Variants in SORBS2 observed in about 807,000 individuals in gnomAD.
SORBS2 encodes sorbin and SH3 domain containing 2.
SORBS2 carries 46 observed loss-of-function variants against 97.7 expected under a neutral mutation model. The observed-to-expected ratio is 0.47, with a 90% CI of 0.37 to 0.60. SORBS2 has a LOEUF of 0.60. SORBS2 is among the 20% of genes least tolerant of loss of function. The pLI is 0.00. For missense variants in SORBS2, 1,316 were observed against 1,282.3 expected (o/e 1.03, Z -0.40); for synonymous variants, 476 against 473.4 (o/e 1.01, Z -0.07).
intron 1 of SORBS2, among the ~76,000 whole-genome samples, chr4:185,814,436 G>A (rs146296950): frequency 4.2e-3 from 633 of 152,208 alleles, no homozygotes; most frequent in African/African-American, 0.012. Flanking sequence ...AGCTACTCGG[G>A]AGGCTGAGGA....
chr4:185,708,747 G>T (rs540858468), intron 2 of SORBS2, among the ~76,000 whole-genome samples: 2 of 152,280 alleles, frequency 1.3e-5, no homozygotes, highest in Non-Finnish European at 2.9e-5. Context: ...ATGTGGTTTT[G>T]ATAACCTTCA....
At chr4:185,955,927 G>A (rs1230961613) in intron 1 of SORBS2, among the ~76,000 whole-genome samples, 1 of 151,340 alleles carries the variant, frequency 6.6e-6, no homozygotes, top group Non-Finnish European at 1.5e-5. Context: ...AGCTGCATTT[G>A]TAACCAGCTT....
intron 1 of SORBS2, among the ~76,000 whole-genome samples, chr4:185,902,905 T>G (rs1160098116): frequency 6.6e-6 from 1 of 152,206 alleles, no homozygotes; most frequent in Non-Finnish European, 1.5e-5. Flanking sequence ...ATAAAAGCTC[T>G]GTTCTGACGT....
chr4:185,622,926 C>T (rs1233273935), exon 7 of SORBS2: 9 of 1,607,578 alleles, frequency 5.6e-6, no homozygotes, highest in East Asian at 4.5e-5. Flanking sequence ...TGGAGTGCAC[C>T]GCCACGGTCT....
intron 1 of SORBS2, among the ~76,000 whole-genome samples, chr4:185,813,439 G>T (rs951781451): frequency 6.6e-6 from 1 of 152,172 alleles, no homozygotes; most frequent in Non-Finnish European, 1.5e-5. Context: ...ACAAGTGGGT[G>T]GCGCTTTCCT....
In SORBS2 at chr4:185,694,700, T is replaced by C. The variant is rs140304845; in HGVS notation, c.-197-15878A>G. ...CTTTTTTTTCTTTTTCTTTTTCCTT[T>C]TCTTTCTTTTCTTTTCTTTTTTTTG... On this transcript the variant is annotated intron_variant, in intron 2 of 20. Transcript: ENST00000284776. Among the ~76,000 whole-genome samples the C allele has an allele frequency of 2.0e-3, 228 of 111,658 alleles. 5 individuals carry two copies. In the East Asian group the frequency reaches 0.052, roughly 26 times the overall value. The allele number at this position is 111,658 out of a possible 152,430, so 73.3% of individuals were successfully genotyped here. A position where few individuals can be genotyped will look rare whatever the true frequency, so the allele number is the denominator to read the frequency against.
At chr4:185,596,376 CT>C (rs1281977353) in intron 12 of SORBS2, among the ~76,000 whole-genome samples, 1 of 152,002 alleles carries the variant, frequency 6.6e-6, no homozygotes, top group African/African-American at 2.4e-5. Context: ...AGTTTAATTC[CT>C]TTAACTCAAC....
intron 1 of SORBS2, among the ~76,000 whole-genome samples, chr4:185,856,189 C>T (rs2099220499): frequency 6.6e-6 from 1 of 152,138 alleles, no homozygotes; most frequent in African/African-American, 2.4e-5. Flanking sequence ...TCCTAGTTTA[C>T]AGTAAGCAGT....
intron 13 of SORBS2, among the ~76,000 whole-genome samples, chr4:185,590,905 T>C (rs2095911539): frequency 6.6e-6 from 1 of 152,224 alleles, no homozygotes. Flanking sequence ...TGCTGCTTTC[T>C]GTAACAGTCA....
intron 2 of SORBS2, among the ~76,000 whole-genome samples, chr4:185,741,413 T>G (rs1290617608): frequency 2.8e-5 from 4 of 145,390 alleles, no homozygotes; most frequent in Non-Finnish European, 6.0e-5. Context: ...TGTTTTTTTT[T>G]TTTTTTTTGA....
rs1382707046 is a variant in SORBS2, at chr4:185,879,174, C to G, written c.-338+77022G>C. The stretch of plus-strand genomic sequence containing the variant: ...CTCCTAATGCTATCCCTCCCCCCCC[C>G]CCACCCCACGACAGGCCCCGGTGTG... On this transcript the variant is annotated intron_variant, in intron 1 of 20. Coordinates refer to the SORBS2 transcript ENST00000284776. Among the ~76,000 whole-genome samples, 4 of 111,594 alleles carry G rather than the reference C, an allele frequency of 3.6e-5. 1 individual carries two copies. Among genetic ancestry groups the G allele is most frequent in the Admixed American group, 8.0e-5 (1 of 12,446 alleles). 73.2% of individuals were successfully genotyped at this position (111,594 alleles called of 152,430 possible).
At chr4:185,929,549 G>C (rs1330177665) in intron 1 of SORBS2, among the ~76,000 whole-genome samples, 1 of 140,882 alleles carries the variant, frequency 7.1e-6, no homozygotes, top group East Asian at 2.1e-4. Context: ...TTTTTTTTGA[G>C]ACAGAGTCTC....
chr4:185,659,257 ACAGCATCATAGCCTTTCAACACTGAAT>A (rs2097468018), upstream of SORBS2, among the ~76,000 whole-genome samples: 1 of 152,158 alleles, frequency 6.6e-6, no homozygotes, highest in Admixed American at 6.5e-5. Flanking sequence ...GAATAAACGA[ACAGCATCATAGCCTTTCAACACTGAAT>A]CAGTGCTGGG....
intron 2 of SORBS2, among the ~76,000 whole-genome samples, chr4:185,692,292 C>T (rs2098112931): frequency 6.6e-6 from 1 of 152,202 alleles, no homozygotes; most frequent in Non-Finnish European, 1.5e-5. Context: ...CTTCCAGGCG[C>T]ATCAGTACTG....
At chr4:185,927,529 T>C (rs926749187) in intron 1 of SORBS2, among the ~76,000 whole-genome samples, 3 of 150,450 alleles carry the variant, frequency 2.0e-5, no homozygotes, top group African/African-American at 4.9e-5. Flanking sequence ...AGTGAGGACA[T>C]GTGGTATTTG....
intron 2 of SORBS2, among the ~76,000 whole-genome samples, 182 bp from the exon 6 acceptor site, chr4:185,679,004 T>C (rs2097835644): frequency 6.6e-6 from 1 of 152,134 alleles, no homozygotes; most frequent in African/African-American, 2.4e-5. Context: ...AATTAGAATG[T>C]CATTCATTAA....
intron 1 of SORBS2, among the ~76,000 whole-genome samples, chr4:185,888,554 C>A (rs2099240842): frequency 6.6e-6 from 1 of 152,206 alleles, no homozygotes; most frequent in South Asian, 2.1e-4. Flanking sequence ...ACTTTTTCAT[C>A]CAGTTCATGG....
intron 1 of SORBS2, among the ~76,000 whole-genome samples, chr4:185,844,194 C>T (rs764972737): frequency 3.9e-5 from 6 of 152,106 alleles, no homozygotes; most frequent in Non-Finnish European, 7.4e-5. Flanking sequence ...GGACCCTATA[C>T]AAAAAGATTA....
At chr4:185,919,676 G>A (rs2099260077) in intron 1 of SORBS2, among the ~76,000 whole-genome samples, 1 of 152,168 alleles carries the variant, frequency 6.6e-6, no homozygotes, top group South Asian at 2.1e-4. Flanking sequence ...ACACACACAT[G>A]CAATTAACCC....
Sources: allele counts gnomAD v4.1 joint callset (sites outside exome capture counted in the v4.1 genomes callset), GRCh38; gene constraint gnomAD v4.1.1; transcripts MANE v1.5; gene names NCBI Gene and HGNC (gene_info 2026-07-23, HGNC 2026-07-21).